Variants in MAGOHB observed in about 807,000 individuals in gnomAD.
The protein encoded by MAGOHB is protein mago nashi homolog 2.
In MAGOHB, 15 loss-of-function variants were observed where a neutral mutation model predicts 20.9. That is an observed-to-expected ratio of 0.72 (90% confidence interval 0.48 to 1.11). MAGOHB has a LOEUF of 1.11. MAGOHB is among the 50% of genes least tolerant of loss of function. The probability of loss-of-function intolerance (pLI) is 0.00; values close to 1 mark genes in which losing one functional copy is unlikely to be tolerated. For missense variants in MAGOHB, 162 were observed against 177.6 expected (o/e 0.91, Z 0.50); for synonymous variants, 50 against 57.9 (o/e 0.86, Z 0.62).
downstream of MAGOHB, among the ~76,000 whole-genome samples, chr12:10,602,334 T>C (rs1373545583): frequency 6.6e-6 from 1 of 152,214 alleles, no homozygotes; most frequent in African/African-American, 2.4e-5. Flanking sequence ...TCTAGATTTC[T>C]TCATAGTTTT....
Position 10,611,747 on chromosome 12 carries a change from C to CAAAA in MAGOHB, c.95-1071_95-1068dup, listed in dbSNP as rs1042294332. On this transcript the variant is annotated intron_variant, in intron 1 of 4. Coordinates refer to ENST00000320756, the MANE Select transcript of MAGOHB (RefSeq NM_018048.5). ...TGGACGACAGAGCAAGACTCTGTCT[C>CAAAA]AAAAAAAAAAAAAAAAAAAAAAAAA... is the stretch of plus-strand genomic sequence containing the variant. Among the ~76,000 whole-genome samples the CAAAA allele has an allele frequency of 7.6e-4, 21 of 27,652 alleles. 1 individual carries two copies. The highest frequency in any genetic ancestry group is 2.1e-3 in the South Asian group (1 of 480). 18.1% of individuals were successfully genotyped at this position (27,652 alleles called of 152,430 possible). A position where few individuals can be genotyped will look rare whatever the true frequency, so the allele number is the denominator to read the frequency against.
chr12:10,608,954 TCTCC>T (rs1865676892), intron 3 of MAGOHB: 1 of 152,890 alleles, frequency 6.5e-6, no homozygotes, highest in South Asian at 2.1e-4. Context: ...AATACTAGGC[TCTCC>T]CTGAGTCTAA....
chr12:10,608,991 G>C (rs987627520), intron 3 of MAGOHB: 4 of 154,008 alleles, frequency 2.6e-5, no homozygotes, highest in African/African-American at 9.6e-5. Context: ...GTTAGCTGCT[G>C]TGGTTTGCTT....
In MAGOHB at chr12:10,609,873, T is replaced by C. The variant is rs147673386; in HGVS notation, c.222A>G (p.Glu74=). The change falls in exon 3 of 5, where the codon GAA becomes GAG. Residue 74 remains glutamate, a synonymous_variant. Coordinates refer to ENST00000320756, the MANE Select transcript of MAGOHB (RefSeq NM_018048.5). Reference sequence around the variant, plus strand: ...CAGGGGGAGGCCACAAAGCATCATCTTCTTTTGTAATTTCACTGTCATCAA... The same window carrying C: ...CAGGGGGAGGCCACAAAGCATCATCCTCTTTTGTAATTTCACTGTCATCAA... ...RIIDDSEITK[E]DDALWPPPDR... 4.2e-5 allele frequency: 68 copies of C among 1,613,202 alleles called. No individual in the cohort carries two copies. The highest frequency in any genetic ancestry group is 5.8e-5 in the Non-Finnish European group (68 of 1,179,604).
In MAGOHB at chr12:10,604,592, C is replaced by A. The variant is rs1865591692; in HGVS notation, c.*1683G>T. On this transcript the variant is annotated 3_prime_UTR_variant, in exon 5 of 5. Coordinates refer to ENST00000320756, the MANE Select transcript of MAGOHB (RefSeq NM_018048.5). ...AGCCACAACCTGTTTTGAGGAACAA[C>A]CAACAACTGTGGGCCTACTGGAAGT... is the stretch of plus-strand genomic sequence containing the variant. 6.6e-6 allele frequency: 1 copy of A among 152,182 alleles called. No homozygotes were observed. The highest frequency in any genetic ancestry group is 2.4e-5 in the African/African-American group (1 of 41,444). The allele number at this position is 152,182 out of a possible 1,614,324, so 9.4% of individuals were successfully genotyped here. A position where few individuals can be genotyped will look rare whatever the true frequency, so the allele number is the denominator to read the frequency against.
chr12:10,606,211 G>T lies in MAGOHB; in HGVS notation c.*64C>A. ...TCACATTCATAAAAACCCCAATACT[G>T]TAAATGACAAATAACCCCTCCCATC... On this transcript the variant is annotated 3_prime_UTR_variant, in exon 5 of 5. Coordinates refer to ENST00000320756, the MANE Select transcript of MAGOHB (RefSeq NM_018048.5). 1 of 899,868 alleles carries T rather than the reference G, an allele frequency of 1.1e-6. No homozygotes were observed. Among genetic ancestry groups the T allele is most frequent in the Non-Finnish European group, 1.7e-6 (1 of 595,332 alleles). The allele number at this position is 899,868 out of a possible 1,614,324, so 55.7% of individuals were successfully genotyped here.
At chr12:10,612,761 G>T (rs73261992) in intron 1 of MAGOHB, 2 of 1,247,164 alleles carry the variant, frequency 1.6e-6, no homozygotes, top group African/African-American at 3.1e-5. Flanking sequence ...CATTCTCTAA[G>T]GATAGCGCTG....
downstream of MAGOHB, among the ~76,000 whole-genome samples, chr12:10,602,546 G>T (rs1327526727): frequency 6.6e-6 from 1 of 152,162 alleles, no homozygotes; most frequent in Non-Finnish European, 1.5e-5. Flanking sequence ...GAGGCACAAA[G>T]TTGGAAGTAT....
At chr12:10,607,798 C>A in intron 4 of MAGOHB, 56 bp downstream of exon 4, 1 of 953,788 alleles carries the variant, frequency 1.0e-6, no homozygotes, top group Non-Finnish European at 1.7e-6. Context: ...GACTATAGTT[C>A]TAAAATGAGC....
intron 3 of MAGOHB, chr12:10,609,046 T>G (rs1258551594): frequency 2.5e-5 from 4 of 161,048 alleles, no homozygotes; most frequent in African/African-American, 9.6e-5. Flanking sequence ...GAGGCCTAAA[T>G]TTACTTTTTA....
In MAGOHB at chr12:10,604,737, A is replaced by G. The variant is rs547989750; in HGVS notation, c.*1538T>C. 6.6e-6 allele frequency: 1 copy of G among 152,348 alleles called. No homozygotes were observed. The highest frequency in any genetic ancestry group is 2.1e-4 in the South Asian group (1 of 4,830). 9.4% of individuals were successfully genotyped at this position (152,348 alleles called of 1,614,324 possible). A position where few individuals can be genotyped will look rare whatever the true frequency, so the allele number is the denominator to read the frequency against. On this transcript the variant is annotated 3_prime_UTR_variant, in exon 5 of 5. Coordinates refer to ENST00000320756, the MANE Select transcript of MAGOHB (RefSeq NM_018048.5). ...TGGAACAGAAACATTTTACATACAA[A>G]AGACCTGAAGATGATAGCGTACTTG...
At chr12:10,600,332 T>A (rs1341296235), downstream of MAGOHB, among the ~76,000 whole-genome samples, 8 of 152,016 alleles carry the variant, frequency 5.3e-5, no homozygotes, top group Non-Finnish European at 1.0e-4. Context: ...ATTTAGGCAA[T>A]CCCCTACTAT....
rs1415639467 is a variant in MAGOHB, at chr12:10,605,623, C to T, written c.*652G>A. The T allele has an allele frequency of 1.3e-5, 2 of 151,664 alleles. No homozygotes were observed. Among genetic ancestry groups the T allele is most frequent in the Non-Finnish European group, 2.9e-5 (2 of 67,902 alleles). 9.4% of individuals were successfully genotyped at this position (151,664 alleles called of 1,614,324 possible). A position where few individuals can be genotyped will look rare whatever the true frequency, so the allele number is the denominator to read the frequency against. On this transcript the variant is annotated 3_prime_UTR_variant, in exon 5 of 5. Coordinates refer to ENST00000320756, the MANE Select transcript of MAGOHB (RefSeq NM_018048.5). Reference sequence around the variant, plus strand: ...AAGCTGAAAACTCATTTAGTTCTCCCCCCTCCCCTACACACCAAATACATT... The same window carrying T: ...AAGCTGAAAACTCATTTAGTTCTCCTCCCTCCCCTACACACCAAATACATT...
At chr12:10,611,710 T>A (rs1366986721) in intron 1 of MAGOHB, among the ~76,000 whole-genome samples, 1 of 125,154 alleles carries the variant, frequency 8.0e-6, no homozygotes, top group Non-Finnish European at 1.5e-5. Context: ...ATCGCACCAC[T>A]GCACTGCAGC....
downstream of MAGOHB, among the ~76,000 whole-genome samples, chr12:10,603,298 A>T (rs1335200064): frequency 7.8e-6 from 1 of 127,742 alleles, no homozygotes; most frequent in Admixed American, 9.4e-5. Flanking sequence ...TGGGTGACAG[A>T]GGGAGACTCC....
chr12:10,612,917 C>A (rs1342238562), intron 1 of MAGOHB: 1 of 1,289,172 alleles, frequency 7.8e-7, no homozygotes, highest in African/African-American at 1.5e-5. Flanking sequence ...CTAAGAAGAT[C>A]TTCCTGACTC....
At chr12:10,611,643 G>C (rs576774420) in intron 1 of MAGOHB, among the ~76,000 whole-genome samples, 3 of 149,714 alleles carry the variant, frequency 2.0e-5, no homozygotes, top group African/African-American at 7.4e-5. Context: ...AGCTACTCGG[G>C]AGGATGAGGC....
downstream of MAGOHB, among the ~76,000 whole-genome samples, chr12:10,603,416 C>CT (rs908575481): frequency 1.3e-5 from 2 of 151,584 alleles, no homozygotes; most frequent in African/African-American, 4.8e-5. Context: ...TTCAAATGCT[C>CT]TAAGTTTAAC....
rs7301279 is a variant in MAGOHB at position 10,609,555 on chromosome 12, T to C, written c.264+276A>G. On this transcript the variant is annotated intron_variant, in intron 3 of 4. Coordinates refer to ENST00000320756, the MANE Select transcript of MAGOHB (RefSeq NM_018048.5). ...AAAAGTGATTAACACACAACAGAAATTATTCATAACACTGCATTGTGAAAA... is the reference window on the plus strand; with the variant it reads ...AAAAGTGATTAACACACAACAGAAACTATTCATAACACTGCATTGTGAAAA... The C allele has an allele frequency of 7.2e-3, 3,211 of 448,278 alleles. 79 individuals carry two copies. Among genetic ancestry groups the C allele is most frequent in the African/African-American group, 0.058 (2,955 of 50,560 alleles). The allele number at this position is 448,278 out of a possible 1,614,324, so 27.8% of individuals were successfully genotyped here. A position where few individuals can be genotyped will look rare whatever the true frequency, so the allele number is the denominator to read the frequency against.
Sources: gnomAD v4.1 joint callset for allele counts (sites outside exome capture counted in the v4.1 genomes callset) on GRCh38, gnomAD v4.1.1 for gene constraint, MANE v1.5 for transcripts, NCBI Gene and HGNC (gene_info 2026-07-23, HGNC 2026-07-21) for gene names.